Variants in ABCC11 observed in about 807,000 individuals in gnomAD.
The protein encoded by ABCC11 is ATP binding cassette subfamily C member 11, also known as ATP-binding cassette sub-family C member 11.
ABCC11 carries 135 observed loss-of-function variants against 149.3 expected under a neutral mutation model. The ratio of observed to expected loss-of-function variants is 0.90; its 90% confidence interval spans 0.79 to 1.04. The LOEUF is 1.04. ABCC11 is among the 50% of genes least tolerant of loss of function. The pLI, the probability that ABCC11 is intolerant of heterozygous loss-of-function variation, is 0.00. For synonymous variants in ABCC11, 665 were observed against 671.4 expected (o/e 0.99, Z 0.15); for missense variants, 1,680 against 1,722.1 (o/e 0.98, Z 0.43).
intron 3 of ABCC11, 59 bp downstream of exon 3, chr16:48,230,378 G>A: frequency 6.7e-7 from 1 of 1,491,126 alleles, no homozygotes; most frequent in Non-Finnish European, 9.0e-7. Context: ...AGTTGGGAGG[G>A]TTGGGGATCA....
At chr16:48,193,167 T>G (rs1244031099) in intron 19 of ABCC11, among the ~76,000 whole-genome samples, 1 of 152,180 alleles carries the variant, frequency 6.6e-6, no homozygotes. Flanking sequence ...AATCACCCAC[T>G]TCAGTTCAGC....
Position 48,170,878 on chromosome 16 carries a change from G to T in ABCC11, c.3777+11C>A. ...GACTTAGACCAAGACTTGGGCCTTG[G>T]AGCTACTTACGGCCTTGGTCAGGAA... On this transcript the variant is annotated intron_variant, in intron 27 of 29. Transcript: ENST00000356608. The T allele has an allele frequency of 1.2e-6, 2 of 1,610,490 alleles. No individual in the cohort carries two copies. Among genetic ancestry groups the T allele is most frequent in the Non-Finnish European group, 1.7e-6 (2 of 1,176,692 alleles).
intron 1 of ABCC11, among the ~76,000 whole-genome samples, chr16:48,236,694 C>T (rs1970706580): frequency 6.6e-6 from 1 of 152,260 alleles, no homozygotes; most frequent in Non-Finnish European, 1.5e-5. Context: ...TTGGTGTTCT[C>T]CAAAGTAGGC....
chr16:48,209,054 A>G (rs955090279), intron 11 of ABCC11, among the ~76,000 whole-genome samples: 18 of 152,236 alleles, frequency 1.2e-4, no homozygotes, highest in African/African-American at 4.3e-4. Context: ...GATAAGTGAT[A>G]TGAGTAAAAT....
intron 6 of ABCC11, among the ~76,000 whole-genome samples, chr16:48,216,578 G>A (rs773695285): frequency 5.9e-5 from 9 of 152,168 alleles, no homozygotes; most frequent in Non-Finnish European, 1.3e-4. Flanking sequence ...TGCACACATA[G>A]AATGTGCTCA....
intron 4 of ABCC11, among the ~76,000 whole-genome samples, 162 bp downstream of exon 4, chr16:48,227,644 A>AC (rs945665329): frequency 6.6e-6 from 1 of 151,826 alleles, no homozygotes; most frequent in East Asian, 1.9e-4. Context: ...AGATTCATGA[A>AC]CCCCACGTTA....
chr16:48,208,219 G>A (rs1968608168), intron 12 of ABCC11, among the ~76,000 whole-genome samples: 1 of 152,196 alleles, frequency 6.6e-6, no homozygotes, highest in Non-Finnish European at 1.5e-5. Flanking sequence ...TGCACCAGGA[G>A]CGCTGCCACA....
rs752810531 is a variant in ABCC11, at chr16:48,208,488, C to G, written c.1617G>C (p.Met539Ile). The change falls in exon 12 of 30, where the codon ATG becomes ATC. Residue 539 changes from methionine to isoleucine, a missense_variant. Transcript: ENST00000356608. ...KINLVVSKGM[M>I]LGVCGNTGSG... ...TCCCCGTGTTGCCGCAGACCCCTAA[C>G]ATCATCCCCTGCAAGCCAAGGAGGA... The G allele has an allele frequency of 6.2e-7, 1 of 1,614,184 alleles. No individual in the cohort carries two copies. The highest frequency in any genetic ancestry group is 1.7e-5 in the Admixed American group (1 of 60,030).
rs371712148 is a variant in ABCC11 at position 48,206,922 on chromosome 16, T to C, written c.1681-1385A>G. 7.7e-4 allele frequency among the ~76,000 whole-genome samples: 118 copies of C among 152,372 alleles called. 2 individuals carry two copies. In the South Asian group the frequency reaches 0.024, roughly 31 times the overall value. On this transcript the variant is annotated intron_variant, in intron 12 of 29. Coordinates refer to ENST00000356608, the MANE Select transcript of ABCC11 (RefSeq NM_001370497.1). ...AAAGCTCTTTGCACAGGACTTCGCA[T>C]GTAAGTACTGAAGCTAGTTTTACAA...
chr16:48,203,235 A>G lies in ABCC11; in HGVS notation c.1871T>C (p.Met624Thr), dbSNP rs1227130941. ...RDLELLPFGD[M>T]TEIGERGLNL... ...GGCTCGCCTCCCTCTCACCTCTGTC[A>G]TGTCTCCAAAGGGCAGAAGTTCCAG... is the stretch of plus-strand genomic sequence containing the variant. The change falls in exon 14 of 30, where the codon ATG (methionine) becomes ACG (threonine). Residue 624 changes from methionine to threonine, a missense_variant. Met to Thr is a moderately conservative substitution (Grantham distance 81, BLOSUM62 -1). Coordinates refer to ENST00000356608, the MANE Select transcript of ABCC11 (RefSeq NM_001370497.1). 6.3e-7 allele frequency: 1 copy of G among 1,574,892 alleles called. No individual in the cohort carries two copies. The highest frequency in any genetic ancestry group is 8.6e-7 in the Non-Finnish European group (1 of 1,159,206).
intron 19 of ABCC11, 42 bp from the exon 20 acceptor site, chr16:48,192,759 G>T: frequency 6.3e-7 from 1 of 1,592,686 alleles, no homozygotes; most frequent in Non-Finnish European, 8.6e-7. Flanking sequence ...GTGTCCGGGG[G>T]AAATTCAGTG....
chr16:48,214,688 G>C (rs1308566727), intron 9 of ABCC11, among the ~76,000 whole-genome samples, 193 bp downstream of exon 9: 3 of 152,146 alleles, frequency 2.0e-5, no homozygotes, highest in Non-Finnish European at 4.4e-5. Context: ...CCGCCCACAG[G>C]GCTATCCAAG....
At chr16:48,243,544 T>C (rs1971127021) in intron 1 of ABCC11, among the ~76,000 whole-genome samples, 1 of 152,050 alleles carries the variant, frequency 6.6e-6, no homozygotes, top group African/African-American at 2.4e-5. Flanking sequence ...AGGACATTAG[T>C]GGGAAAACTG....
At position 48,170,164 on chromosome 16, in the gene ABCC11, A is replaced by G; in HGVS notation, c.3832T>C (p.Phe1278Leu). 6.2e-7 allele frequency: 1 copy of G among 1,614,086 alleles called. No individual in the cohort carries two copies. The highest frequency in any genetic ancestry group is 8.5e-7 in the Non-Finnish European group (1 of 1,179,982). ...HTDVVENGGN[F>L]SVGERQLLCI... is the part of the protein sequence containing the mutation. The stretch of plus-strand genomic sequence containing the variant: ...AGCAGCTGCCTCTCCCCCACAGAGA[A>G]GTTTCCACCGTTTTCCACCACATCT... Residue 1278 changes from phenylalanine (F) to leucine (L), a missense_variant, in exon 28 of 30, where the codon TTC becomes CTC. Transcript: ENST00000356608.
At position 48,184,544 on chromosome 16, in the gene ABCC11, T is replaced by C. The variant is rs1282610257; in HGVS notation, c.3154A>G (p.Ile1052Val). Residue 1052 changes from isoleucine (I) to valine (V), a missense_variant, in exon 23 of 30, where the codon ATC becomes GTC. By Grantham distance (29) the Ile-to-Val change is conservative. Transcript: ENST00000356608. ...GCCAAGGTCACAAGGTTGGTCATGA[T>C]CTCCAGCCTCAATGCCATCCATCGT... The part of the protein sequence containing the change: ...STRWMALRLE[I>V]MTNLVTLAVA... The C allele has an allele frequency of 6.2e-7, 1 of 1,614,198 alleles. No homozygotes were observed. The highest frequency in any genetic ancestry group is 8.5e-7 in the Non-Finnish European group (1 of 1,180,040).
Position 48,187,104 on chromosome 16 carries a change from G to A in ABCC11, c.2934-14C>T. The A allele has an allele frequency of 6.2e-7, 1 of 1,614,156 alleles. No individual in the cohort carries two copies. The highest frequency in any genetic ancestry group is 2.2e-5 in the East Asian group (1 of 44,888). On this transcript the variant is annotated splice_polypyrimidine_tract_variant and intron_variant, in intron 21 of 29. Coordinates refer to ENST00000356608, the MANE Select transcript of ABCC11 (RefSeq NM_001370497.1). ...TTCTTGAACATCCTGCATGGACAGTGGAGGTAAGGGACCTGGACCGTCCAC... is the reference window on the plus strand; with the variant it reads ...TTCTTGAACATCCTGCATGGACAGTAGAGGTAAGGGACCTGGACCGTCCAC...
At chr16:48,179,314 C>A (rs1005545252) in intron 23 of ABCC11, among the ~76,000 whole-genome samples, 2 of 152,106 alleles carry the variant, frequency 1.3e-5, no homozygotes, top group Admixed American at 6.5e-5. Context: ...TCAGGGAAAC[C>A]CAGGCTAGAG....
At position 48,167,530 on chromosome 16, in the gene ABCC11, T is replaced by C. The variant is rs1965411528; in HGVS notation, c.4022A>G (p.Asn1341Ser). 1 of 1,614,048 alleles carries C rather than the reference T, an allele frequency of 6.2e-7. No individual in the cohort carries two copies. ...VIAHRVTTVL[N>S]CDHILVMGNG... The stretch of plus-strand genomic sequence containing the variant: ...GCCCATAACCAGGATGTGGTCACAG[T>C]TCAGCACAGTGGTGACACGGTGGGC... The change falls in exon 29 of 30, where the codon AAC (asparagine) becomes AGC (serine). Residue 1341 changes from asparagine (N) to serine (S), a missense_variant. Transcript: ENST00000356608.
rs548862736 is a variant in ABCC11, at chr16:48,182,256, A to G, written c.3258+2184T>C. 1.1e-4 allele frequency among the ~76,000 whole-genome samples: 16 copies of G among 152,324 alleles called. No individual in the cohort carries two copies. In the East Asian group the frequency reaches 2.7e-3, roughly 26 times the overall value. Reference sequence around the variant, plus strand: ...TGCACATACATGCACTCCTACACATACATGCATTCTTGGACATACACGCAC... The same window carrying G: ...TGCACATACATGCACTCCTACACATGCATGCATTCTTGGACATACACGCAC... On this transcript the variant is annotated intron_variant, in intron 23 of 29. Coordinates refer to ENST00000356608, the MANE Select transcript of ABCC11 (RefSeq NM_001370497.1).
Sources: gnomAD v4.1 joint callset for allele counts (sites outside exome capture counted in the v4.1 genomes callset) on GRCh38, gnomAD v4.1.1 for gene constraint, MANE v1.5 for transcripts, NCBI Gene and HGNC (gene_info 2026-07-23, HGNC 2026-07-21) for gene names.